The following RANBP2 variants were observed in gnomAD, a reference collection of about 807,000 sequenced individuals.
RANBP2 encodes E3 SUMO-protein ligase RanBP2.
A neutral mutation model predicts 303.6 loss-of-function variants in RANBP2; 57 were observed. That is an observed-to-expected ratio of 0.19 (90% CI 0.15 to 0.23). The LOEUF is 0.23. Among genes scored for constraint, RANBP2 ranks in the 10% least tolerant of loss-of-function variants. The pLI, the probability that RANBP2 is intolerant of heterozygous loss-of-function variation, is 1.00. For synonymous variants in RANBP2, 1,167 were observed against 1,301.5 expected, an observed-to-expected ratio of 0.90 and a Z score of 2.23; for missense variants, 3,138 against 3,780.8, an observed-to-expected ratio of 0.83 and a Z score of 4.46.
the RANBP2 span, among the ~76,000 whole-genome samples, chr2:109,015,708 A>T: frequency 6.6e-6 from 1 of 152,190 alleles, no homozygotes; most frequent in Non-Finnish European, 1.5e-5. Flanking sequence ...CAGTGAGCCG[A>T]GATCATGTCA....
At chr2:109,585,077 T>C in the RANBP2 span, 3 of 1,186,954 alleles carry the variant, frequency 2.5e-6, no homozygotes, top group Admixed American at 4.8e-5. Context: ...ATAAGGCGAA[T>C]GTCTTGAAAT....
intron 1 of RANBP2, chr2:108,720,023 G>C: frequency 1.0e-6 from 1 of 985,274 alleles, no homozygotes; most frequent in Non-Finnish European, 1.2e-6. Context: ...GGGGGCTTGG[G>C]CACCCGGGTG....
chr2:109,172,896 A>T, the RANBP2 span, among the ~76,000 whole-genome samples: 2 of 152,220 alleles, frequency 1.3e-5, no homozygotes, highest in Non-Finnish European at 2.9e-5. Context: ...ATAAACGTGC[A>T]TGTTCAAAGC....
downstream of RANBP2, chr2:108,788,856 T>A (rs202057509): frequency 1.4e-4 from 224 of 1,613,916 alleles, no homozygotes; most frequent in Middle Eastern, 3.3e-4. Flanking sequence ...TGACAGGTGA[T>A]TTGGATATCT....
chr2:109,663,337 T>A, the RANBP2 span, among the ~76,000 whole-genome samples: 1 of 152,194 alleles, frequency 6.6e-6, no homozygotes. Context: ...CTCCATTAGC[T>A]GGGGATATTT....
the RANBP2 span, among the ~76,000 whole-genome samples, chr2:109,687,494 C>G: frequency 6.6e-6 from 1 of 152,116 alleles, no homozygotes; most frequent in Non-Finnish European, 1.5e-5. Context: ...GAATTCATAT[C>G]CACACCTGTG....
At chr2:108,739,039 G>T (rs550848733) in intron 6 of RANBP2, among the ~76,000 whole-genome samples, 33 of 152,206 alleles carry the variant, frequency 2.2e-4, no homozygotes, top group Admixed American at 2.0e-3. Context: ...TCGCTTAATA[G>T]AACATAGCTA....
the RANBP2 span, among the ~76,000 whole-genome samples, chr2:109,540,015 C>T: frequency 6.6e-6 from 1 of 151,910 alleles, no homozygotes; most frequent in African/African-American, 2.4e-5. Flanking sequence ...GGACATGTGT[C>T]TTCATTCCTC....
the RANBP2 span, among the ~76,000 whole-genome samples, chr2:109,602,898 TCTCAA>T: frequency 8.6e-6 from 1 of 116,042 alleles, no homozygotes; most frequent in Admixed American, 9.7e-5. Context: ...GCAGACCCTG[TCTCAA>T]AAAAAAAAAA....
the RANBP2 span, among the ~76,000 whole-genome samples, chr2:108,954,255 C>T: frequency 2.6e-5 from 4 of 152,180 alleles, no homozygotes; most frequent in Admixed American, 6.5e-5. Context: ...AGACCAGCAG[C>T]AGATTGTGGT....
chr2:108,764,506 G>T lies in RANBP2; in HGVS notation c.3967G>T (p.Val1323Leu), dbSNP rs543164039. 4.3e-6 allele frequency: 7 copies of T among 1,613,928 alleles called. No homozygotes were observed. The highest frequency in any genetic ancestry group is 4.0e-5 in the African/African-American group (3 of 74,984). ...AMASNQAVRI[V>L]KEPTSHDNKD... is the part of the protein sequence containing the mutation. Reference sequence around the variant, plus strand: ...GGCGTCAAATCAGGCTGTCAGAATTGTAAAAGAACCCACAAGTCATGATAA... The same window carrying T: ...GGCGTCAAATCAGGCTGTCAGAATTTTAAAAGAACCCACAAGTCATGATAA... The change falls in exon 20 of 29, where the codon GTA becomes TTA. Residue 1323 changes from valine (V) to leucine (L), a missense_variant. Around this residue, in one of 20 missense-constraint regions of RANBP2, gnomAD observed 388 missense variants for 328.5 expected, o/e 1.18. Transcript: ENST00000283195.
At chr2:109,347,171 C>A in the RANBP2 span, among the ~76,000 whole-genome samples, 1 of 152,188 alleles carries the variant, frequency 6.6e-6, no homozygotes, top group Non-Finnish European at 1.5e-5. Flanking sequence ...TGGATACTTG[C>A]TAGAAGTCTG....
the RANBP2 span, among the ~76,000 whole-genome samples, chr2:109,458,600 G>GAGAGAGAGAGAGAGAGAGAGAT: frequency 3.3e-5 from 5 of 150,680 alleles, no homozygotes; most frequent in Non-Finnish European, 5.9e-5. Context: ...GAGAGAGAGA[G>GAGAGAGAGAGAGAGAGAGAGAT]AATTTATTTA....
chr2:109,203,977 C>A, the RANBP2 span, among the ~76,000 whole-genome samples: 11 of 152,210 alleles, frequency 7.2e-5, no homozygotes, highest in African/African-American at 2.7e-4. Flanking sequence ...CAGTGTGAAG[C>A]ATTTGTGGGC....
At chr2:109,139,640 GT>G in the RANBP2 span, among the ~76,000 whole-genome samples, 2 of 152,194 alleles carry the variant, frequency 1.3e-5, no homozygotes, top group Non-Finnish European at 1.5e-5. Context: ...TTTGACTTGT[GT>G]ACAGTAACAA....
chr2:108,961,274 C>G, the RANBP2 span, among the ~76,000 whole-genome samples: 1 of 151,810 alleles, frequency 6.6e-6, no homozygotes. Context: ...AGTCCTTTCC[C>G]TCCTAAATAA....
chr2:109,185,084 G>A, the RANBP2 span, among the ~76,000 whole-genome samples: 1 of 152,174 alleles, frequency 6.6e-6, no homozygotes, highest in Non-Finnish European at 1.5e-5. Flanking sequence ...CTGTTACACC[G>A]TGGAGATAGT....
intron 9 of RANBP2, among the ~76,000 whole-genome samples, chr2:108,750,692 A>G (rs958539952): frequency 4.6e-5 from 7 of 151,916 alleles, no homozygotes; most frequent in African/African-American, 1.5e-4. Context: ...GGTTCAAGCA[A>G]TTGTCTTGCC....
At chr2:109,078,228 GTA>G in the RANBP2 span, among the ~76,000 whole-genome samples, 467 of 39,248 alleles carry the variant, frequency 0.012, 37 homozygotes, top group Admixed American at 0.055. Context: ...TATATAGCGT[GTA>G]TATATATATA....
Sources: allele counts gnomAD v4.1 joint callset (sites outside exome capture counted in the v4.1 genomes callset), GRCh38; gene constraint gnomAD v4.1.1; regional missense constraint gnomAD v4.1.1; transcripts MANE v1.5; gene names NCBI Gene and HGNC (gene_info 2026-07-23, HGNC 2026-07-21).